GARS1: variants seen among roughly 807,000 people sequenced by gnomAD.
GARS1 encodes glycyl-tRNA synthetase 1.
Under a neutral mutation model 86.4 loss-of-function variants are expected in GARS1, and 46 were observed. The observed-to-expected ratio is 0.53, with a 90% CI of 0.42 to 0.68. The LOEUF (loss-of-function observed/expected upper bound fraction) is 0.68, where lower values mean the gene tolerates loss of function less well. Ranked by LOEUF, GARS1 falls within the 30% of genes least tolerant of loss-of-function variation. The pLI, the probability that GARS1 is intolerant of heterozygous loss-of-function variation, is 0.00. For synonymous variants in GARS1, 342 were observed against 329.8 expected (o/e 1.04, Z -0.40); for missense variants, 797 against 915.6 (o/e 0.87, Z 1.67).
intron 14 of GARS1, among the ~76,000 whole-genome samples, chr7:30,630,498 A>G (rs1254385910): frequency 6.7e-6 from 1 of 148,682 alleles, no homozygotes; most frequent in Non-Finnish European, 1.5e-5. Context: ...TGCCTTCCAC[A>G]GAATATTTTT....
chr7:30,630,520 T>C (rs951146524), intron 14 of GARS1, among the ~76,000 whole-genome samples: 3 of 143,062 alleles, frequency 2.1e-5, no homozygotes, highest in Non-Finnish European at 4.6e-5. Flanking sequence ...TTTTCGCCTT[T>C]TTTTTTTTTT....
At chr7:30,600,695 T>C (rs1008360483) in intron 3 of GARS1, among the ~76,000 whole-genome samples, 4 of 152,198 alleles carry the variant, frequency 2.6e-5, no homozygotes, top group Non-Finnish European at 4.4e-5. Context: ...AGGAAAAAAT[T>C]AGAGAATTGG....
rs1418428474 is a variant in GARS1, at chr7:30,622,098, A to G, written c.1468-219A>G. ...ATAATATCTCTTTTTTCTCACTGTA[A>G]CTGGAAAAGTTTCTATTGATGGTGT... On this transcript the variant is annotated intron_variant, in intron 11 of 16. Coordinates refer to ENST00000389266, the MANE Select transcript of GARS1 (RefSeq NM_002047.4). 3 of 574,482 alleles carry G rather than the reference A, an allele frequency of 5.2e-6. No individual in the cohort carries two copies. The Admixed American group carries it at 8.6e-5, about 16-fold the overall frequency. The allele number at this position is 574,482 out of a possible 1,614,324, so 35.6% of individuals were successfully genotyped here.
At chr7:30,599,144 T>C (rs1471554207) in intron 2 of GARS1, among the ~76,000 whole-genome samples, 4 of 152,240 alleles carry the variant, frequency 2.6e-5, no homozygotes. Context: ...CAATACGCTA[T>C]ATGAATTTCC....
chr7:30,616,122 T>A, intron 9 of GARS1, 64 bp downstream of exon 9: 1 of 1,529,998 alleles, frequency 6.5e-7, no homozygotes, highest in Middle Eastern at 1.9e-4. Context: ...AATTAGCAAA[T>A]TCTATGTGTT....
In GARS1 at chr7:30,619,721, A is replaced by G. The variant is rs116058082; in HGVS notation, c.1360-1672A>G. Reference sequence around the variant, plus strand: ...GTTTTATATTTGCTTGCTTTATTACAGACACCCCATGTGATAACATGTGCT... The same window carrying G: ...GTTTTATATTTGCTTGCTTTATTACGGACACCCCATGTGATAACATGTGCT... On this transcript the variant is annotated intron_variant, in intron 10 of 16. Transcript: ENST00000389266. Among the ~76,000 whole-genome samples the G allele has an allele frequency of 7.8e-3, 1,184 of 151,304 alleles. 6 individuals are homozygous for G. The highest frequency in any genetic ancestry group is 0.027 in the African/African-American group (1,119 of 41,278).
At position 30,595,055 on chromosome 7, in the gene GARS1, C is replaced by G. The variant is rs1460220275; in HGVS notation, c.134C>G (p.Ser45Cys). 1 of 1,555,098 alleles carries G rather than the reference C, an allele frequency of 6.4e-7. No homozygotes were observed. The highest frequency in any genetic ancestry group is 8.6e-7 in the Non-Finnish European group (1 of 1,156,636). The change falls in exon 1 of 17, where the codon TCC (serine) becomes TGC (cysteine). Residue 45 changes from serine (S) to cysteine (C), a missense_variant. This residue lies in a region of GARS1 where 199 missense variants were observed against 176.9 expected (regional missense o/e 1.12). Coordinates refer to ENST00000389266, the MANE Select transcript of GARS1 (RefSeq NM_002047.4). ...SLSAASCPPI[S>C]LPAAASRSSM... ...AGCGCGGCCTCCTGCCCCCCGATCTCCTTGCCCGCCGCCGCCTCCCGGAGC... is the reference window on the plus strand; with the variant it reads ...AGCGCGGCCTCCTGCCCCCCGATCTGCTTGCCCGCCGCCGCCTCCCGGAGC...
intron 1 of GARS1, among the ~76,000 whole-genome samples, chr7:30,597,654 T>C (rs1351512374): frequency 2.0e-5 from 3 of 152,188 alleles, no homozygotes; most frequent in Admixed American, 6.5e-5. Flanking sequence ...AATTAGATCC[T>C]CCAAAAGTAT....
intron 1 of GARS1, among the ~76,000 whole-genome samples, 195 bp downstream of exon 1, chr7:30,595,338 G>T (rs1432346270): frequency 6.6e-6 from 1 of 152,040 alleles, no homozygotes; most frequent in Admixed American, 6.5e-5. Flanking sequence ...CCTCTCCCGC[G>T]GACCTCCGTC....
chr7:30,624,012 A>G (rs1182800788), intron 12 of GARS1, among the ~76,000 whole-genome samples: 2 of 152,234 alleles, frequency 1.3e-5, no homozygotes, highest in Non-Finnish European at 2.9e-5. Context: ...AGCTTGTTCA[A>G]CCTGCGGCCT....
intron 1 of GARS1, among the ~76,000 whole-genome samples, chr7:30,596,511 A>T (rs1414149793): frequency 1.3e-5 from 2 of 151,588 alleles, no homozygotes; most frequent in Non-Finnish European, 2.9e-5. Context: ...CCACACCCAA[A>T]CCCCTCCCTC....
chr7:30,612,156 C>T lies in GARS1; in HGVS notation c.942C>T (p.Phe314=), dbSNP rs1175524562. Residue 314 remains phenylalanine (F), a synonymous_variant, in exon 8 of 17, where the codon TTC becomes TTT. Coordinates refer to ENST00000389266, the MANE Select transcript of GARS1 (RefSeq NM_002047.4). ...TGAATTTCAAACGACTTTTGGAGTT[C>T]AACCAAGGAAAGTTGCCTTTTGCTG... ...IFLNFKRLLE[F]NQGKLPFAAA... The T allele has an allele frequency of 6.2e-7, 1 of 1,614,062 alleles. No individual in the cohort carries two copies. The highest frequency in any genetic ancestry group is 1.7e-5 in the Admixed American group (1 of 60,022).
At chr7:30,595,750 G>C (rs1248813862) in intron 1 of GARS1, 7 of 470,946 alleles carry the variant, frequency 1.5e-5, no homozygotes, top group South Asian at 9.3e-5. Context: ...GATGTGGGGA[G>C]GTGTCGAACT....
At chr7:30,616,955 G>A (rs1782900227) in intron 9 of GARS1, among the ~76,000 whole-genome samples, 159 bp from the exon 10 acceptor site, 1 of 152,150 alleles carries the variant, frequency 6.6e-6, no homozygotes, top group African/African-American at 2.4e-5. Flanking sequence ...ATCTCATTCT[G>A]AGTATTTGAA....
At chr7:30,598,377 C>CTTTTTTTTTTTT (rs1174085518) in intron 1 of GARS1, among the ~76,000 whole-genome samples, 1 of 99,612 alleles carries the variant, frequency 1.0e-5, no homozygotes, top group Non-Finnish European at 2.0e-5. Context: ...TTGCATCATT[C>CTTTTTTTTTTTT]TTTTTTTTTT....
intron 4 of GARS1, among the ~76,000 whole-genome samples, chr7:30,602,532 A>G (rs1324056299): frequency 6.6e-6 from 1 of 152,258 alleles, no homozygotes; most frequent in Non-Finnish European, 1.5e-5. Context: ...TAAGATCAGG[A>G]CTACCTATCA....
chr7:30,628,974 A>G (rs575200136), intron 14 of GARS1, among the ~76,000 whole-genome samples: 1 of 152,302 alleles, frequency 6.6e-6, no homozygotes, highest in African/African-American at 2.4e-5. Context: ...TACTTTCTGG[A>G]TATGCTGTGT....
chr7:30,602,299 G>A (rs1057340621), intron 4 of GARS1, among the ~76,000 whole-genome samples: 2 of 151,854 alleles, frequency 1.3e-5, no homozygotes, highest in Admixed American at 6.6e-5. Flanking sequence ...CCATGGTCTC[G>A]ATCTCCTGAC....
At chr7:30,607,997 C>T (rs1791517429) in intron 6 of GARS1, among the ~76,000 whole-genome samples, 1 of 152,160 alleles carries the variant, frequency 6.6e-6, no homozygotes, top group Admixed American at 6.5e-5. Context: ...AGAGATTGGT[C>T]CCTCATAGTA....
Sources: allele counts gnomAD v4.1 joint callset (sites outside exome capture counted in the v4.1 genomes callset), GRCh38; gene constraint gnomAD v4.1.1; regional missense constraint gnomAD v4.1.1; transcripts MANE v1.5; gene names NCBI Gene and HGNC (gene_info 2026-07-23, HGNC 2026-07-21).